Variants in MTAP observed in about 807,000 individuals in gnomAD.
The protein encoded by MTAP is S-methyl-5'-thioadenosine phosphorylase.
A neutral mutation model predicts 33.6 loss-of-function variants in MTAP; 33 were observed. The ratio of observed to expected loss-of-function variants is 0.98; its 90% CI spans 0.74 to 1.31. The LOEUF (loss-of-function observed/expected upper bound fraction) is 1.31, where lower values mean the gene tolerates loss of function less well. MTAP is among the 40% of genes most tolerant of loss of function. MTAP has a pLI of 0.00. For missense variants in MTAP, 367 were observed against 360.0 expected (o/e 1.02, Z -0.16); for synonymous variants, 148 against 125.7 (o/e 1.18, Z -1.19).
In MTAP at chr9:21,803,872, A is replaced by T. The variant is rs112655544; in HGVS notation, c.33+1091A>T. Among the ~76,000 whole-genome samples the T allele has an allele frequency of 1.3e-3, 199 of 152,318 alleles. 2 individuals are homozygous for T. The highest frequency in any genetic ancestry group is 3.8e-3 in the African/African-American group (158 of 41,578). Reference sequence around the variant, plus strand: ...CGGTCAGTGTGTAATCAGCCAGATTAGTTTATTACGCCCTTGCAGGTTTAA... The same window carrying T: ...CGGTCAGTGTGTAATCAGCCAGATTTGTTTATTACGCCCTTGCAGGTTTAA... On this transcript the variant is annotated intron_variant, in intron 1 of 7. Transcript: ENST00000644715.
intron 4 of MTAP, among the ~76,000 whole-genome samples, chr9:21,832,688 A>C (rs1161035486): frequency 6.6e-6 from 1 of 152,174 alleles, no homozygotes; most frequent in Non-Finnish European, 1.5e-5. Flanking sequence ...TCCATAACCT[A>C]GTTGTGTTAT....
chr9:21,915,293 A>G (rs1035433971), intron 1 of MTAP, among the ~76,000 whole-genome samples: 5 of 151,572 alleles, frequency 3.3e-5, no homozygotes, highest in East Asian at 1.9e-4. Context: ...GGGTTTCACC[A>G]TGTTAGCCAG....
At chr9:21,817,161 G>T (rs775003546) in intron 3 of MTAP, among the ~76,000 whole-genome samples, 4 of 152,160 alleles carry the variant, frequency 2.6e-5, no homozygotes, top group Non-Finnish European at 5.9e-5. Flanking sequence ...TTCTGAAGTG[G>T]GTTACTTGTG....
At chr9:21,809,712 A>G (rs552103147) in intron 1 of MTAP, among the ~76,000 whole-genome samples, 37 of 152,224 alleles carry the variant, frequency 2.4e-4, no homozygotes, top group Non-Finnish European at 4.4e-4. Flanking sequence ...GCACTTTAGA[A>G]CCACCTGCGG....
intron 1 of MTAP, among the ~76,000 whole-genome samples, chr9:21,887,115 T>A (rs1818124306): frequency 1.3e-5 from 2 of 151,992 alleles, no homozygotes; most frequent in African/African-American, 4.8e-5. Context: ...TGATTTCTTT[T>A]TTATTATTAT....
intron 1 of MTAP, among the ~76,000 whole-genome samples, chr9:21,897,816 T>G (rs931082527): frequency 1.3e-5 from 2 of 152,116 alleles, no homozygotes; most frequent in Non-Finnish European, 2.9e-5. Flanking sequence ...CCACAGTAAT[T>G]TATAGATTCA....
chr9:21,840,972 C>T (rs1825228550), intron 5 of MTAP, among the ~76,000 whole-genome samples: 2 of 152,128 alleles, frequency 1.3e-5, no homozygotes, highest in African/African-American at 2.4e-5. Flanking sequence ...GCTGCTGGCT[C>T]TCCCCCACTA....
chr9:21,933,863 G>C (rs1024210774), downstream of MTAP: 1 of 152,118 alleles, frequency 6.6e-6, no homozygotes, highest in African/African-American at 2.4e-5. Context: ...ATAAAGAGCT[G>C]TATTTAATTG....
rs1825708035 is a variant in MTAP, at chr9:21,859,425, G to A, written c.813G>A (p.Lys271=). 1.2e-6 allele frequency: 2 copies of A among 1,608,418 alleles called. No homozygotes were observed. Among genetic ancestry groups the A allele is most frequent in the South Asian group, 1.1e-5 (1 of 89,780 alleles). The change falls in exon 7 of 8, where the codon AAG becomes AAA. Residue 271 remains lysine (K), a splice_region_variant and synonymous_variant. Coordinates refer to ENST00000644715, the MANE Select transcript of MTAP (RefSeq NM_002451.4). ...GGTCAGAAACCCTCCATAACCTGAA[G>A]GTAAGTGTCAGCCATGGACAATCAG... ...TEWSETLHNL[K]NMAQFSVLLP... is the part of the protein sequence containing the mutation.
rs2131034280 is a variant in MTAP at position 21,922,134 on chromosome 9, C to T, written c.148-8874C>T. Among the ~76,000 whole-genome samples the T allele has an allele frequency of 6.6e-6, 1 of 152,082 alleles. No homozygotes were observed. The highest frequency in any genetic ancestry group is 2.1e-4 in the South Asian group (1 of 4,800). Reference sequence around the variant, plus strand: ...GCAGTCTCAAGCATGCACTAAGAGGCAAAATGGCAGAGTTTAACTGGTGTA... The same window carrying T: ...GCAGTCTCAAGCATGCACTAAGAGGTAAAATGGCAGAGTTTAACTGGTGTA... On this transcript the variant is annotated intron_variant, in intron 1 of 1. Coordinates refer to the MTAP transcript ENST00000577563. The surrounding 1 kb of genome is among the most constrained non-coding windows in gnomAD (Gnocchi z 4.8).
chr9:21,920,311 T>G (rs1818767605), intron 1 of MTAP, among the ~76,000 whole-genome samples: 1 of 152,166 alleles, frequency 6.6e-6, no homozygotes, highest in South Asian at 2.1e-4. Flanking sequence ...GACTGTAAGA[T>G]AAGCAGGAGG....
intron 1 of MTAP, 28 bp downstream of exon 1, chr9:21,802,809 G>C (rs1454309320): frequency 3.0e-5 from 48 of 1,612,068 alleles, no homozygotes; most frequent in Non-Finnish European, 3.9e-5. Context: ...AGCCGCAGCG[G>C]TTCGCCCTGC....
intron 1 of MTAP, among the ~76,000 whole-genome samples, chr9:21,889,284 C>T (rs757549961): frequency 2.6e-5 from 4 of 152,068 alleles, no homozygotes; most frequent in Admixed American, 6.6e-5. Flanking sequence ...ATTGTTTCAT[C>T]CATATCCTAT....
At chr9:21,898,509 C>T (rs1323829286) in intron 1 of MTAP, among the ~76,000 whole-genome samples, 1 of 152,172 alleles carries the variant, frequency 6.6e-6, no homozygotes, top group Non-Finnish European at 1.5e-5. Context: ...TATCCAGAAT[C>T]TACAAAGAAC....
chr9:21,815,943 T>C (rs1824463893), intron 2 of MTAP, among the ~76,000 whole-genome samples: 1 of 152,164 alleles, frequency 6.6e-6, no homozygotes, highest in Non-Finnish European at 1.5e-5. Flanking sequence ...TGGAAAGAAT[T>C]GTTTTGGGGA....
intron 4 of MTAP, among the ~76,000 whole-genome samples, chr9:21,823,448 T>G (rs1824701003): frequency 6.6e-6 from 1 of 152,258 alleles, no homozygotes; most frequent in Non-Finnish European, 1.5e-5. Flanking sequence ...GCCCCCACTC[T>G]CTTCTGGCTT....
chr9:21,901,196 G>A (rs1461075272), intron 1 of MTAP, among the ~76,000 whole-genome samples: 1 of 152,068 alleles, frequency 6.6e-6, no homozygotes, highest in African/African-American at 2.4e-5. Context: ...AATACACATT[G>A]ACAAAAGAAA....
Position 21,865,196 on chromosome 9 carries a change from G to A in MTAP, c.*3182G>A, listed in dbSNP as rs1479056912. 4 of 649,098 alleles carry A rather than the reference G, an allele frequency of 6.2e-6. No homozygotes were observed. Among genetic ancestry groups the A allele is most frequent in the African/African-American group, 5.9e-5 (3 of 50,602 alleles). 40.2% of individuals were successfully genotyped at this position (649,098 alleles called of 1,614,324 possible). A position where few individuals can be genotyped will look rare whatever the true frequency, so the allele number is the denominator to read the frequency against. On this transcript the variant is annotated 3_prime_UTR_variant, in exon 8 of 8. Transcript: ENST00000644715. Reference sequence around the variant, plus strand: ...TCATGGGGGTGGTTACCCCCACACTGCTGTTCTCATGATACTGAGTTCTCA... The same window carrying A: ...TCATGGGGGTGGTTACCCCCACACTACTGTTCTCATGATACTGAGTTCTCA...
chr9:21,814,549 TTTAG>T (rs1336608126), intron 1 of MTAP, among the ~76,000 whole-genome samples: 2 of 152,204 alleles, frequency 1.3e-5, no homozygotes, highest in Admixed American at 1.3e-4. Context: ...GTTTTAACAG[TTTAG>T]TTAATTTTTA....
Sources: allele counts gnomAD v4.1 joint callset (sites outside exome capture counted in the v4.1 genomes callset), GRCh38; gene constraint gnomAD v4.1.1; non-coding constraint Gnocchi (gnomAD v3.1); transcripts MANE v1.5; gene names NCBI Gene and HGNC (gene_info 2026-07-23, HGNC 2026-07-21).